Variants in ZNF335 observed in about 807,000 individuals in gnomAD.
ZNF335 encodes zinc finger protein 335.
Under a neutral mutation model 145.6 loss-of-function variants are expected in ZNF335, and 84 were observed. The observed-to-expected ratio is 0.58, with a 90% CI of 0.48 to 0.69. The LOEUF is 0.69. Ranked by LOEUF, ZNF335 falls within the 30% of genes least tolerant of loss-of-function variation. ZNF335 has a pLI of 0.00. For missense variants in ZNF335, 1,865 were observed against 1,809.7 expected, an observed-to-expected ratio of 1.03 and a Z score of -0.55; for synonymous variants, 761 against 717.0, an observed-to-expected ratio of 1.06 and a Z score of -0.98.
rs541225605 is a variant in ZNF335, at chr20:45,948,788, G to A, written c.*165C>T. The A allele has an allele frequency of 1.2e-5, 13 of 1,121,166 alleles. No homozygotes were observed. The South Asian group carries it at 1.3e-4, about 11-fold the overall frequency. The allele number at this position is 1,121,166 out of a possible 1,614,324, so 69.5% of individuals were successfully genotyped here. On this transcript the variant is annotated 3_prime_UTR_variant, in exon 28 of 28. Coordinates refer to ENST00000322927, the MANE Select transcript of ZNF335 (RefSeq NM_022095.4). Reference sequence around the variant, plus strand: ...CCAGCATGTCCTGGCTGGGGCCCATGGCTGCCCCTAACCCCAACAGCACAG... The same window carrying A: ...CCAGCATGTCCTGGCTGGGGCCCATAGCTGCCCCTAACCCCAACAGCACAG...
Position 45,971,445 on chromosome 20 carries a change from G to A in ZNF335, c.-35C>T, listed in dbSNP as rs2084065585. Reference sequence around the variant, plus strand: ...GGGCTGCCTGACAGCGGGGCGTAGGGTCTGGGAACTTCACTCTGAGAAGAG... The same window carrying A: ...GGGCTGCCTGACAGCGGGGCGTAGGATCTGGGAACTTCACTCTGAGAAGAG... On this transcript the variant is annotated 5_prime_UTR_variant, in exon 2 of 28. Coordinates refer to ENST00000322927, the MANE Select transcript of ZNF335 (RefSeq NM_022095.4). 5.0e-6 allele frequency: 8 copies of A among 1,595,622 alleles called. No homozygotes were observed. The highest frequency in any genetic ancestry group is 5.9e-6 in the Non-Finnish European group (7 of 1,178,304).
intron 20 of ZNF335, among the ~76,000 whole-genome samples, chr20:45,950,973 A>G (rs775988100): frequency 6.6e-6 from 1 of 151,612 alleles, no homozygotes; most frequent in Non-Finnish European, 1.5e-5. Flanking sequence ...GCTCACTGCA[A>G]CCTCCACCTC....
intron 17 of ZNF335, 45 bp from the exon 18 acceptor site, chr20:45,953,993 G>C: frequency 6.5e-7 from 1 of 1,532,450 alleles, no homozygotes; most frequent in Non-Finnish European, 8.8e-7. Flanking sequence ...TGGTGGCAGA[G>C]GAGCGGGTAT....
intron 6 of ZNF335, among the ~76,000 whole-genome samples, chr20:45,966,636 T>C (rs373093401): frequency 3.3e-5 from 5 of 150,118 alleles, no homozygotes; most frequent in Non-Finnish European, 7.4e-5. Context: ...CTGCAACCTC[T>C]ACCTCCCGGG....
chr20:45,949,567 A>C lies in ZNF335; in HGVS notation c.3671T>G (p.Val1224Gly). 3 of 1,605,956 alleles carry C rather than the reference A, an allele frequency of 1.9e-6. No individual in the cohort carries two copies. Among genetic ancestry groups the C allele is most frequent in the Non-Finnish European group, 2.6e-6 (3 of 1,175,782 alleles). Residue 1224 changes from valine to glycine, a missense_variant and splice_region_variant, in exon 25 of 28, where the codon GTG becomes GGG. Coordinates refer to ENST00000322927, the MANE Select transcript of ZNF335 (RefSeq NM_022095.4). The part of the protein sequence containing the change: ...VQHLVTSDNQ[V>G]QYIISQDGVQ... ...ACCATCCTGGGAGATGATATACTGC[A>C]CCTGTTGGTGGGGGGGGCGGGCATG...
chr20:45,960,078 C>G (rs2083807543), intron 14 of ZNF335, 130 bp downstream of exon 14: 1 of 1,088,442 alleles, frequency 9.2e-7, no homozygotes, highest in African/African-American at 1.6e-5. Flanking sequence ...TCTCTTTACA[C>G]TTGAAGGACT....
rs2083600847 is a variant in ZNF335 at position 45,950,048 on chromosome 20, C to T, written c.3509G>A (p.Gly1170Glu). ...TLHTALQSSH[G>E]VLGPERLQQA... is the part of the protein sequence containing the mutation. Reference sequence around the variant, plus strand: ...CTGTAGCCGCTCTGGGCCCAGGACCCCGTGACTGGACTGGAGTGCAGCTGG... The same window carrying T: ...CTGTAGCCGCTCTGGGCCCAGGACCTCGTGACTGGACTGGAGTGCAGCTGG... The change falls in exon 23 of 28, where the codon GGG becomes GAG. Residue 1170 changes from glycine (G) to glutamate (E), a missense_variant. Physicochemically the swap from Gly to Glu is moderately conservative, Grantham distance 98. Coordinates refer to ENST00000322927, the MANE Select transcript of ZNF335 (RefSeq NM_022095.4). The T allele has an allele frequency of 2.5e-6, 4 of 1,613,916 alleles. No homozygotes were observed. The highest frequency in any genetic ancestry group is 1.6e-4 in the Middle Eastern group (1 of 6,062).
Position 45,960,532 on chromosome 20 carries a change from G to T in ZNF335, c.1783-7C>A, listed in dbSNP as rs1269049578. 3 of 1,613,972 alleles carry T rather than the reference G, an allele frequency of 1.9e-6. No homozygotes were observed. The African/African-American group carries it at 4.0e-5, about 22-fold the overall frequency. On this transcript the variant is annotated splice_region_variant and splice_polypyrimidine_tract_variant and intron_variant, in intron 12 of 27. Coordinates refer to ENST00000322927, the MANE Select transcript of ZNF335 (RefSeq NM_022095.4). The stretch of plus-strand genomic sequence containing the variant: ...TCTTAAAGGACTTTCCACACTGTGA[G>T]GGGTGGAGAGCAGTGAGATGGCGAT...
At position 45,962,869 on chromosome 20, in the gene ZNF335, A is replaced by C. The variant is rs552777513; in HGVS notation, c.1533+604T>G. On this transcript the variant is annotated intron_variant, in intron 9 of 27. Coordinates refer to ENST00000322927, the MANE Select transcript of ZNF335 (RefSeq NM_022095.4). ...GCTCTTGTTGCCCAGGCTGGAGTGCAATGGTGTGATCTTGGCTCACTGCAA... is the reference window on the plus strand; with the variant it reads ...GCTCTTGTTGCCCAGGCTGGAGTGCCATGGTGTGATCTTGGCTCACTGCAA... Among the ~76,000 whole-genome samples the C allele has an allele frequency of 1.1e-4, 15 of 139,900 alleles. No homozygotes were observed. In the East Asian group the frequency reaches 2.3e-3, roughly 22 times the overall value. The allele number at this position is 139,900 out of a possible 152,430, so 91.8% of individuals were successfully genotyped here.
rs775163563 is a variant in ZNF335 at position 45,950,018 on chromosome 20, G to A, written c.3539C>T (p.Ala1180Val). The A allele has an allele frequency of 5.1e-5, 83 of 1,613,966 alleles. No homozygotes were observed. The highest frequency in any genetic ancestry group is 7.0e-5 in the Non-Finnish European group (83 of 1,180,024). ...AACGATGATGTGTTCCTGGCTCAGTGCCTGCTGTAGCCGCTCTGGGCCCAG... is the reference window on the plus strand; with the variant it reads ...AACGATGATGTGTTCCTGGCTCAGTACCTGCTGTAGCCGCTCTGGGCCCAG... ...GVLGPERLQQALSQEHIIVAQ... is the reference protein window; with the variant it reads ...GVLGPERLQQVLSQEHIIVAQ... Residue 1180 changes from alanine to valine, a missense_variant, in exon 23 of 28, where the codon GCA (alanine) becomes GTA (valine). Transcript: ENST00000322927.
rs1460382390 is a variant in ZNF335 at position 45,950,511 on chromosome 20, G to A, written c.3274C>T (p.Arg1092Trp). 3.1e-6 allele frequency: 5 copies of A among 1,614,106 alleles called. No homozygotes were observed. The highest frequency in any genetic ancestry group is 4.2e-6 in the Non-Finnish European group (5 of 1,180,058). The part of the protein sequence containing the change: ...FASKNKKDLR[R>W]HMLTHTKEKP... Reference sequence around the variant, plus strand: ...TCCTTTGTGTGAGTCAGCATGTGCCGACGCAGGTCCTTCTTGTTCTTGGAG... The same window carrying A: ...TCCTTTGTGTGAGTCAGCATGTGCCAACGCAGGTCCTTCTTGTTCTTGGAG... Residue 1092 changes from arginine (R) to tryptophan (W), a missense_variant, in exon 21 of 28, where the codon CGG becomes TGG. Physicochemically the swap from Arg to Trp is moderately radical, Grantham distance 101. Transcript: ENST00000322927.
intron 7 of ZNF335, among the ~76,000 whole-genome samples, chr20:45,965,030 AAATAATAATAATAAT>A (rs11472570): frequency 2.1e-4 from 30 of 141,366 alleles, no homozygotes; most frequent in South Asian, 1.8e-3. Context: ...CTCTGTCTCA[AAATAATAATAATAAT>A]AATAATAATA....
chr20:45,970,404 A>C (rs1486349051), intron 2 of ZNF335, among the ~76,000 whole-genome samples: 1 of 152,268 alleles, frequency 6.6e-6, no homozygotes, highest in Non-Finnish European at 1.5e-5. Context: ...GCTAATACTT[A>C]CTGAGTGCTT....
rs779463917 is a variant in ZNF335 at position 45,960,302 on chromosome 20, G to C, written c.1926C>G (p.Ser642=). 12 of 1,614,054 alleles carry C rather than the reference G, an allele frequency of 7.4e-6. No homozygotes were observed. The highest frequency in any genetic ancestry group is 1.3e-5 in the African/African-American group (1 of 74,918). ...DKKALLNHQL[S]HVSDKPFKCS... ...ATTTGAAGGGCTTGTCACTGACGTG[G>C]GACAACTGGTGGTTCAGCAGTGCCT... The change falls in exon 14 of 28, where the codon TCC becomes TCG. Residue 642 remains serine (S), a synonymous_variant. Coordinates refer to ENST00000322927, the MANE Select transcript of ZNF335 (RefSeq NM_022095.4).
intron 1 of ZNF335, chr20:45,971,669 G>A (rs2084071387): frequency 4.1e-6 from 4 of 985,380 alleles, no homozygotes; most frequent in Non-Finnish European, 4.8e-6. Flanking sequence ...TTCCCGGGAG[G>A]GTGGTCAATG....
At chr20:45,960,403 G>C in intron 13 of ZNF335, 35 bp from the exon 14 acceptor site, 1 of 1,614,202 alleles carries the variant, frequency 6.2e-7, no homozygotes. Flanking sequence ...GCTCAGTAAT[G>C]AGCTGGGGAC....
chr20:45,965,838 C>G, intron 6 of ZNF335, 64 bp from the exon 7 acceptor site: 1 of 1,526,656 alleles, frequency 6.6e-7, no homozygotes, highest in Non-Finnish European at 8.8e-7. Flanking sequence ...GCCCTGACCC[C>G]TTGCCCAGCT....
At chr20:45,953,608 A>C in intron 18 of ZNF335, 81 bp downstream of exon 18, 1 of 1,565,574 alleles carries the variant, frequency 6.4e-7, no homozygotes, top group Non-Finnish European at 8.7e-7. Flanking sequence ...CCTGCCAACT[A>C]GGCTTGGGTG....
At chr20:45,964,730 G>T (rs1020359606) in intron 7 of ZNF335, among the ~76,000 whole-genome samples, 11 of 152,078 alleles carry the variant, frequency 7.2e-5, no homozygotes, top group African/African-American at 2.4e-4. Context: ...AGGCCTTTTT[G>T]AAATAGAGAC....
Sources: gnomAD v4.1 joint callset for allele counts (sites outside exome capture counted in the v4.1 genomes callset) on GRCh38, gnomAD v4.1.1 for gene constraint, MANE v1.5 for transcripts, NCBI Gene and HGNC (gene_info 2026-07-23, HGNC 2026-07-21) for gene names.